Variants in CDK14 observed in about 807,000 individuals in gnomAD.
CDK14 encodes cyclin dependent kinase 14, also known as cyclin-dependent kinase 14.
A neutral mutation model predicts 60.7 loss-of-function variants in CDK14; 34 were observed. The observed-to-expected ratio is 0.56, with a 90% CI of 0.43 to 0.75. The LOEUF (loss-of-function observed/expected upper bound fraction) is 0.75. Ranked by LOEUF, CDK14 falls within the 30% of genes least tolerant of loss-of-function variation. CDK14 has a pLI of 0.00. For synonymous variants in CDK14, 197 were observed against 203.7 expected, an observed-to-expected ratio of 0.97 and a Z score of 0.28; for missense variants, 482 against 564.1, an observed-to-expected ratio of 0.85 and a Z score of 1.47.
chr7:91,181,969 T>C (rs1223863929), intron 14 of CDK14, among the ~76,000 whole-genome samples: 1 of 152,174 alleles, frequency 6.6e-6, no homozygotes, highest in African/African-American at 2.4e-5. Context: ...CTATACCTTT[T>C]TAATAGATTA....
chr7:90,637,867 T>G (rs1448419095), intron 2 of CDK14, among the ~76,000 whole-genome samples: 3 of 150,704 alleles, frequency 2.0e-5, no homozygotes, highest in Non-Finnish European at 4.4e-5. Context: ...CTTGTTGAAT[T>G]GATCCGTTTA....
chr7:91,006,479 A>G lies in CDK14; in HGVS notation c.1041+22238A>G, dbSNP rs1795982284. On this transcript the variant is annotated intron_variant, in intron 10 of 14. Transcript: ENST00000380050. ...TACCAACACACGTGCTACTAAATTC[A>G]TTTTCTTAATTTGATCACATTTTAT... Among the ~76,000 whole-genome samples the G allele has an allele frequency of 3.3e-5, 5 of 152,222 alleles. No homozygotes were observed. The South Asian group carries it at 1.0e-3, about 32-fold the overall frequency.
Position 90,761,331 on chromosome 7 carries a change from G to GGT in CDK14, c.464+13556_464+13557insGT, listed in dbSNP as rs539282494. Among the ~76,000 whole-genome samples the GGT allele has an allele frequency of 2.8e-5, 4 of 144,816 alleles. No individual in the cohort carries two copies. In the East Asian group the frequency reaches 8.0e-4, roughly 29 times the overall value. On this transcript the variant is annotated intron_variant, in intron 4 of 14. Coordinates refer to ENST00000380050, the MANE Select transcript of CDK14 (RefSeq NM_001287135.2). The stretch of plus-strand genomic sequence containing the variant: ...GGTGGAAATGGAGGCACTCTTTGGG[G>GGT]TTTTTTTTTTTTTAAAGAGTTAGTG...
At chr7:90,851,585 T>G (rs951271752) in intron 5 of CDK14, among the ~76,000 whole-genome samples, 5 of 152,120 alleles carry the variant, frequency 3.3e-5, no homozygotes, top group African/African-American at 1.2e-4. Context: ...GACTGTCCCC[T>G]CAACTGTTTG....
chr7:91,088,946 T>C (rs1216122060), intron 12 of CDK14, among the ~76,000 whole-genome samples: 1 of 152,144 alleles, frequency 6.6e-6, no homozygotes, highest in African/African-American at 2.4e-5. Context: ...TGTGCATGTG[T>C]GTGTGTGAGT....
intron 2 of CDK14, among the ~76,000 whole-genome samples, chr7:90,683,943 T>C (rs1027231541): frequency 6.6e-6 from 1 of 151,390 alleles, no homozygotes; most frequent in Non-Finnish European, 1.5e-5. Context: ...TATGCATTCA[T>C]ATATACATTC....
chr7:91,023,357 G>A (rs545708719), intron 10 of CDK14, among the ~76,000 whole-genome samples: 30 of 152,086 alleles, frequency 2.0e-4, no homozygotes, highest in Admixed American at 3.9e-4. Flanking sequence ...TGATTTTCAT[G>A]TCTTCTATGA....
chr7:90,706,926 G>A (rs533498069), intron 2 of CDK14, among the ~76,000 whole-genome samples: 2 of 152,138 alleles, frequency 1.3e-5, no homozygotes, highest in East Asian at 3.9e-4. Flanking sequence ...ACTAATGCTG[G>A]GTGTAGTTTT....
intron 10 of CDK14, among the ~76,000 whole-genome samples, chr7:90,995,823 C>T (rs1237024259): frequency 6.6e-6 from 1 of 151,924 alleles, no homozygotes; most frequent in African/African-American, 2.4e-5. Context: ...TTCTTAGACC[C>T]CACTGAGGAT....
intron 10 of CDK14, among the ~76,000 whole-genome samples, chr7:91,005,818 A>G (rs1795966637): frequency 6.6e-6 from 1 of 152,258 alleles, no homozygotes; most frequent in East Asian, 1.9e-4. Context: ...TATGTAAAAC[A>G]GAGGCCTGTG....
chr7:90,977,845 C>A (rs984858424), intron 9 of CDK14, among the ~76,000 whole-genome samples: 1 of 152,072 alleles, frequency 6.6e-6, no homozygotes, highest in Non-Finnish European at 1.5e-5. Context: ...TGACACTCTG[C>A]TATGTCCTGG....
Position 90,747,715 on chromosome 7 carries a change from A to G in CDK14, c.404A>G (p.Tyr135Cys). ...TSPKFGKADS[Y>C]EKLEKLGEGS... Reference sequence around the variant, plus strand: ...CCCAAATTTGGAAAAGCTGACTCATATGAAAAGCTGGAAAAACTAGGGGAA... The same window carrying G: ...CCCAAATTTGGAAAAGCTGACTCATGTGAAAAGCTGGAAAAACTAGGGGAA... Residue 135 changes from tyrosine (Y) to cysteine (C), a missense_variant, in exon 4 of 15, where the codon TAT (tyrosine) becomes TGT (cysteine). Transcript: ENST00000380050. 1 of 1,599,034 alleles carries G rather than the reference A, an allele frequency of 6.3e-7. No homozygotes were observed. Among genetic ancestry groups the G allele is most frequent in the Non-Finnish European group, 8.5e-7 (1 of 1,175,042 alleles).
intron 6 of CDK14, among the ~76,000 whole-genome samples, chr7:90,871,730 G>C (rs2008184): frequency 0.87 from 131,979 of 152,142 alleles, 57,539 homozygotes; most frequent in East Asian, 0.96. Flanking sequence ...GTTATGTGCT[G>C]CCAACTGATA....
At chr7:90,736,350 G>GTTTTTTTTTT (rs869290471) in intron 3 of CDK14, among the ~76,000 whole-genome samples, 7 of 50,282 alleles carry the variant, frequency 1.4e-4, no homozygotes, top group Non-Finnish European at 1.8e-4. Flanking sequence ...TTATGTTTTT[G>GTTTTTTTTTT]TTTTTTTTTT....
At chr7:90,899,675 G>T (rs747559535) in intron 7 of CDK14, among the ~76,000 whole-genome samples, 1 of 151,920 alleles carries the variant, frequency 6.6e-6, no homozygotes, top group Non-Finnish European at 1.5e-5. Context: ...TTCTAGCTTG[G>T]AACCCATACT....
chr7:90,796,643 G>T (rs1477592729), intron 5 of CDK14, among the ~76,000 whole-genome samples: 1 of 152,030 alleles, frequency 6.6e-6, no homozygotes, highest in Non-Finnish European at 1.5e-5. Context: ...GGCTCAGAGG[G>T]GTTAGATGAC....
intron 14 of CDK14, among the ~76,000 whole-genome samples, chr7:91,184,759 G>A (rs560155059): frequency 6.6e-5 from 10 of 152,068 alleles, no homozygotes; most frequent in East Asian, 1.9e-4. Flanking sequence ...GCATAAGCAC[G>A]GAATCAAGGT....
At chr7:91,030,111 A>G (rs1415550882) in intron 10 of CDK14, among the ~76,000 whole-genome samples, 1 of 152,222 alleles carries the variant, frequency 6.6e-6, no homozygotes, top group Non-Finnish European at 1.5e-5. Flanking sequence ...TACATATGTA[A>G]TAGTATACAC....
chr7:90,918,205 T>TA lies in CDK14; in HGVS notation c.826+482dup, dbSNP rs758754467. ...GACCTTTTCAGAGGGTTGCAGGAGA[T>TA]ACACAATAATGTACATTGCCCTGAG... is the stretch of plus-strand genomic sequence containing the variant. On this transcript the variant is annotated intron_variant, in intron 8 of 14. Coordinates refer to ENST00000380050, the MANE Select transcript of CDK14 (RefSeq NM_001287135.2). Among the ~76,000 whole-genome samples the TA allele has an allele frequency of 1.1e-3, 164 of 152,346 alleles. 1 individual carries two copies. The highest frequency in any genetic ancestry group is 1.0e-3 in the Non-Finnish European group (70 of 68,034).
Sources: allele counts gnomAD v4.1 joint callset (sites outside exome capture counted in the v4.1 genomes callset), GRCh38; gene constraint gnomAD v4.1.1; transcripts MANE v1.5; gene names NCBI Gene and HGNC (gene_info 2026-07-23, HGNC 2026-07-21).